Variants in ANTXRL observed in about 807,000 individuals in gnomAD.
The protein encoded by ANTXRL is anthrax toxin receptor-like.
ANTXRL carries 63 observed loss-of-function variants against 75.4 expected under a neutral mutation model. That is an observed-to-expected ratio of 0.84 (90% CI 0.68 to 1.03). The LOEUF (loss-of-function observed/expected upper bound fraction) is 1.03. ANTXRL is among the 50% of genes least tolerant of loss of function. The pLI, the probability that ANTXRL is intolerant of heterozygous loss-of-function variation, is 0.00. For synonymous variants in ANTXRL, 335 were observed against 291.3 expected, an observed-to-expected ratio of 1.15 and a Z score of -1.53; for missense variants, 797 against 789.4, an observed-to-expected ratio of 1.01 and a Z score of -0.12.
chr10:46,322,684 A>G (rs1839038543), intron 16 of ANTXRL, among the ~76,000 whole-genome samples: 1 of 152,132 alleles, frequency 6.6e-6, no homozygotes. Flanking sequence ...AAGACTCAGG[A>G]AGGGCCAGGC....
intron 9 of ANTXRL, among the ~76,000 whole-genome samples, chr10:46,302,206 C>T (rs1221714916): frequency 6.6e-6 from 1 of 152,176 alleles, no homozygotes; most frequent in Admixed American, 6.5e-5. Context: ...GGTGTCCTGC[C>T]TGCCACAGGC....
At chr10:46,297,946 A>G in intron 8 of ANTXRL, 35 bp downstream of exon 8, 1 of 1,535,678 alleles carries the variant, frequency 6.5e-7, no homozygotes, top group Non-Finnish European at 8.7e-7. Flanking sequence ...GGGGACCTGG[A>G]TCCTTTGGCA....
chr10:46,320,188 G>T (rs1165180758), intron 16 of ANTXRL, among the ~76,000 whole-genome samples: 1 of 152,196 alleles, frequency 6.6e-6, no homozygotes, highest in African/African-American at 2.4e-5. Context: ...CAGACAAAGA[G>T]AAGCTAGTTT....
chr10:46,303,303 G>A (rs1837870204), intron 10 of ANTXRL, among the ~76,000 whole-genome samples: 2 of 152,254 alleles, frequency 1.3e-5, no homozygotes, highest in Non-Finnish European at 2.9e-5. Context: ...TTGGAATCCT[G>A]GCTCAGGCAC....
rs1838897419 is a variant in ANTXRL at position 46,319,827 on chromosome 10, A to T, written c.1410+6511A>T. On this transcript the variant is annotated intron_variant, in intron 16 of 16. Coordinates refer to ENST00000620264, the MANE Select transcript of ANTXRL (RefSeq NM_001278688.3). ...TTCTCTTGAGAGATTTTCTTAATGTATTTGGTGGCAGAGTCTAAGAAAACA... is the reference window on the plus strand; with the variant it reads ...TTCTCTTGAGAGATTTTCTTAATGTTTTTGGTGGCAGAGTCTAAGAAAACA... Among the ~76,000 whole-genome samples the T allele has an allele frequency of 2.0e-5, 3 of 152,198 alleles. No homozygotes were observed. In the South Asian group the frequency reaches 6.2e-4, roughly 32 times the overall value.
intron 16 of ANTXRL, 93 bp downstream of exon 16, chr10:46,313,409 G>A (rs573581029): frequency 4.8e-5 from 63 of 1,301,946 alleles, no homozygotes; most frequent in Non-Finnish European, 5.9e-5. Context: ...AGAGAGCCAT[G>A]TCAGGCATCT....
chr10:46,325,334 A>G (rs1554966246), intron 16 of ANTXRL, among the ~76,000 whole-genome samples: 3 of 152,134 alleles, frequency 2.0e-5, no homozygotes, highest in Non-Finnish European at 4.4e-5. Context: ...ACCTTGGGGT[A>G]AGGAATTCCT....
Position 46,298,065 on chromosome 10 carries a change from G to A in ANTXRL, c.796+3G>A. On this transcript the variant is annotated splice_donor_region_variant and intron_variant, in intron 9 of 16. Coordinates refer to ENST00000620264, the MANE Select transcript of ANTXRL (RefSeq NM_001278688.3). ...GCCTTCCTCTGAGTGTGTAGGAGGT[G>A]AGAGCTGCGGAGGCCCTGGGGTAGC... 1 of 1,534,504 alleles carries A rather than the reference G, an allele frequency of 6.5e-7. No individual in the cohort carries two copies. Among genetic ancestry groups the A allele is most frequent in the Non-Finnish European group, 8.7e-7 (1 of 1,145,740 alleles).
intron 12 of ANTXRL, chr10:46,308,515 G>T: frequency 2.2e-6 from 1 of 444,608 alleles, no homozygotes; most frequent in Non-Finnish European, 4.5e-6. Context: ...GCCTTCCCAC[G>T]GATGCCGCCC....
chr10:46,306,337 G>A (rs1184882851), intron 10 of ANTXRL, among the ~76,000 whole-genome samples: 1 of 152,102 alleles, frequency 6.6e-6, no homozygotes, highest in Non-Finnish European at 1.5e-5. Context: ...GCTTTCCTTG[G>A]AACCCTTACC....
At chr10:46,286,102 C>A (rs1836758389), upstream of ANTXRL, among the ~76,000 whole-genome samples, 1 of 152,146 alleles carries the variant, frequency 6.6e-6, no homozygotes, top group Non-Finnish European at 1.5e-5. Flanking sequence ...GGTCATACAG[C>A]AGTTTTGACA....
rs528342210 is a variant in ANTXRL, at chr10:46,328,335, C to G, written c.1411-1264C>G. Among the ~76,000 whole-genome samples, 191 of 152,222 alleles carry G rather than the reference C, an allele frequency of 1.3e-3. 2 individuals are homozygous for G. The highest frequency in any genetic ancestry group is 4.4e-3 in the African/African-American group (181 of 41,500). On this transcript the variant is annotated intron_variant, in intron 16 of 16. Coordinates refer to ENST00000620264, the MANE Select transcript of ANTXRL (RefSeq NM_001278688.3). ...TCTGAGAAAGATTGTTATCTAATTG[C>G]CTGCCTGCTAAGCCCCAAGAGAACA...
intron 1 of ANTXRL, among the ~76,000 whole-genome samples, chr10:46,288,182 C>A (rs1282838293): frequency 6.6e-6 from 1 of 152,122 alleles, no homozygotes; most frequent in African/African-American, 2.4e-5. Context: ...CTTTCCTGCT[C>A]CTCCTGCTGG....
At chr10:46,287,956 ATTC>A (rs1836832398) in intron 1 of ANTXRL, among the ~76,000 whole-genome samples, 3 of 152,070 alleles carry the variant, frequency 2.0e-5, no homozygotes, top group Non-Finnish European at 4.4e-5. Flanking sequence ...TGTGTTGGGC[ATTC>A]TAATGTCACT....
At position 46,308,394 on chromosome 10, in the gene ANTXRL, C is replaced by CT. The variant is rs561080263; in HGVS notation, c.1045-718dup. 333 of 393,130 alleles carry CT rather than the reference C, an allele frequency of 8.5e-4. 1 individual carries two copies. The highest frequency in any genetic ancestry group is 5.5e-3 in the African/African-American group (254 of 46,602). 24.4% of individuals were successfully genotyped at this position (393,130 alleles called of 1,614,324 possible). A position where few individuals can be genotyped will look rare whatever the true frequency, so the allele number is the denominator to read the frequency against. ...CCAGCCGGGTTCCCAGCACAGGCCC[C>CT]TGCCCCTTCCCTCCCCTCCCCTCCC... On this transcript the variant is annotated intron_variant, in intron 12 of 16. Transcript: ENST00000620264.
At chr10:46,297,182 G>C in intron 5 of ANTXRL, 70 bp from the exon 6 acceptor site, 1 of 1,300,832 alleles carries the variant, frequency 7.7e-7, no homozygotes, top group Non-Finnish European at 1.1e-6. Context: ...CCATCTGCAG[G>C]GGTTCCGGAG....
chr10:46,293,463 T>TGCATGTGTGA (rs1837157979), intron 2 of ANTXRL, among the ~76,000 whole-genome samples: 1 of 30,464 alleles, frequency 3.3e-5, no homozygotes, highest in Non-Finnish European at 1.2e-4. Flanking sequence ...CATGTGTGAG[T>TGCATGTGTGA]GTGTGTGTAT....
intron 10 of ANTXRL, 145 bp downstream of exon 10, chr10:46,302,965 G>A: frequency 1.5e-6 from 1 of 661,428 alleles, no homozygotes; most frequent in Non-Finnish European, 2.6e-6. Context: ...GTGGAAGGAG[G>A]CACTGGGAAG....
At chr10:46,289,070 G>C (rs868918964) in intron 1 of ANTXRL, among the ~76,000 whole-genome samples, 1 of 152,130 alleles carries the variant, frequency 6.6e-6, no homozygotes, top group South Asian at 2.1e-4. Context: ...GCAGCTGGGC[G>C]GGACCCTGAG....
Sources: gnomAD v4.1 joint callset for allele counts (sites outside exome capture counted in the v4.1 genomes callset) on GRCh38, gnomAD v4.1.1 for gene constraint, MANE v1.5 for transcripts, NCBI Gene and HGNC (gene_info 2026-07-23, HGNC 2026-07-21) for gene names.